SEMA5A: variants seen among roughly 807,000 people sequenced by gnomAD.
SEMA5A encodes the protein semaphorin-5A.
A neutral mutation model predicts 135.5 loss-of-function variants in SEMA5A; 55 were observed. That is an observed-to-expected ratio of 0.41 (90% confidence interval 0.33 to 0.51). The LOEUF is 0.51. Among genes scored for constraint, SEMA5A ranks in the 20% least tolerant of loss-of-function variants. The probability of loss-of-function intolerance (pLI) is 0.37; values close to 1 mark genes in which losing one functional copy is unlikely to be tolerated. For synonymous variants in SEMA5A, 580 were observed against 546.5 expected, an observed-to-expected ratio of 1.06 and a Z score of -0.85; for missense variants, 1,290 against 1,419.9, an observed-to-expected ratio of 0.91 and a Z score of 1.47.
rs200047045 is a variant in SEMA5A at position 9,182,734 on chromosome 5, T to C, written c.1273+7533A>G. ...CATCTAGAATGCCTGCTTATTTTTA[T>C]ACAATGGCGGATCCTGTAGCAATAC... On this transcript the variant is annotated intron_variant, in intron 11 of 22. Transcript: ENST00000382496. Among the ~76,000 whole-genome samples the C allele has an allele frequency of 1.7e-3, 260 of 151,428 alleles. 2 individuals carry two copies. Among genetic ancestry groups the C allele is most frequent in the African/African-American group, 5.1e-3 (211 of 41,202 alleles).
At position 9,245,329 on chromosome 5, in the gene SEMA5A, G is replaced by C. The variant is rs3777296; in HGVS notation, c.271-7439C>G. Among the ~76,000 whole-genome samples the C allele has an allele frequency of 1.5e-3, 223 of 151,980 alleles. 3 individuals are homozygous for C. Among genetic ancestry groups the C allele is most frequent in the African/African-American group, 4.9e-3 (204 of 41,450 alleles). Reference sequence around the variant, plus strand: ...ACACAGTGTTCAGTACTATCAGAAGGTTCAGGCATTCCCTGGGGGTCTTGG... The same window carrying C: ...ACACAGTGTTCAGTACTATCAGAAGCTTCAGGCATTCCCTGGGGGTCTTGG... On this transcript the variant is annotated intron_variant, in intron 5 of 22. Transcript: ENST00000382496.
intron 4 of SEMA5A, among the ~76,000 whole-genome samples, chr5:9,325,381 T>G (rs552648195): frequency 6.6e-6 from 1 of 152,162 alleles, no homozygotes; most frequent in Admixed American, 6.5e-5. Context: ...ACAAAGCTAT[T>G]AAGTTTGGCA....
chr5:9,147,465 T>G (rs905150829), intron 12 of SEMA5A, among the ~76,000 whole-genome samples: 2 of 151,778 alleles, frequency 1.3e-5, no homozygotes, highest in African/African-American at 4.8e-5. Flanking sequence ...AGAGACAGGG[T>G]TTCACCACGT....
intron 2 of SEMA5A, among the ~76,000 whole-genome samples, chr5:9,395,244 CA>C (rs1756337163): frequency 6.6e-6 from 1 of 152,062 alleles, no homozygotes; most frequent in South Asian, 2.1e-4. Context: ...ACCATTGCTG[CA>C]GTACGGAAAA....
intron 1 of SEMA5A, among the ~76,000 whole-genome samples, chr5:9,486,343 A>T (rs1408763368): frequency 6.6e-6 from 1 of 152,204 alleles, no homozygotes; most frequent in Admixed American, 6.6e-5. Flanking sequence ...TAAAACCTAG[A>T]TGATGGGTTG....
intron 2 of SEMA5A, 152 bp from the exon 3 acceptor site, chr5:9,380,175 T>A: frequency 1.9e-6 from 1 of 528,510 alleles, no homozygotes; most frequent in Non-Finnish European, 3.3e-6. Flanking sequence ...TTTCTAGTCA[T>A]ATCCCAGGTC....
chr5:9,520,429 C>G (rs768114357), intron 1 of SEMA5A, among the ~76,000 whole-genome samples: 10 of 152,078 alleles, frequency 6.6e-5, no homozygotes, highest in Non-Finnish European at 1.3e-4. Context: ...GAACGTGAGC[C>G]TCTTGAAGGA....
intron 16 of SEMA5A, among the ~76,000 whole-genome samples, chr5:9,087,500 T>A (rs1408864536): frequency 6.6e-6 from 1 of 151,868 alleles, no homozygotes; most frequent in Non-Finnish European, 1.5e-5. Context: ...CAAACTTCTT[T>A]TAAATTTGTA....
At chr5:9,521,914 G>T (rs147620700) in intron 1 of SEMA5A, among the ~76,000 whole-genome samples, 61 of 152,282 alleles carry the variant, frequency 4.0e-4, no homozygotes, top group African/African-American at 1.4e-3. Context: ...AGTTCAGGCT[G>T]CCTGTCACAC....
chr5:9,218,982 C>T (rs1430681448), intron 8 of SEMA5A, among the ~76,000 whole-genome samples: 1 of 152,224 alleles, frequency 6.6e-6, no homozygotes, highest in East Asian at 1.9e-4. Context: ...GTGCCAGACA[C>T]TAATACTTAT....
intron 7 of SEMA5A, among the ~76,000 whole-genome samples, chr5:9,225,521 A>G (rs1385457307): frequency 6.6e-6 from 1 of 150,554 alleles, no homozygotes; most frequent in Non-Finnish European, 1.5e-5. Flanking sequence ...GCGAGCCAAA[A>G]TCGTGCCGCT....
intron 16 of SEMA5A, among the ~76,000 whole-genome samples, chr5:9,083,372 A>G (rs1738495720): frequency 1.3e-5 from 2 of 152,208 alleles, no homozygotes; most frequent in African/African-American, 4.8e-5. Flanking sequence ...TCAGATTTTA[A>G]ATGACTTTAA....
intron 1 of SEMA5A, among the ~76,000 whole-genome samples, chr5:9,441,358 G>A (rs1288338459): frequency 3.3e-5 from 5 of 152,162 alleles, no homozygotes; most frequent in African/African-American, 1.2e-4. Flanking sequence ...GTATGTTTTA[G>A]TGGGTGCATT....
chr5:9,431,982 C>G (rs371936607), intron 2 of SEMA5A, among the ~76,000 whole-genome samples: 1 of 152,186 alleles, frequency 6.6e-6, no homozygotes, highest in Non-Finnish European at 1.5e-5. Context: ...ACTTGGCAGA[C>G]ATTCACCTAA....
At chr5:9,124,539 C>T (rs952993323) in intron 13 of SEMA5A, among the ~76,000 whole-genome samples, 6 of 152,264 alleles carry the variant, frequency 3.9e-5, no homozygotes, top group South Asian at 2.1e-4. Flanking sequence ...TCACTGCAAC[C>T]TCCACCTCCC....
chr5:9,544,956 G>T (rs1738300168), intron 1 of SEMA5A, among the ~76,000 whole-genome samples: 1 of 152,336 alleles, frequency 6.6e-6, no homozygotes, highest in African/African-American at 2.4e-5. Flanking sequence ...GTGGAGCAGC[G>T]GAGGGATGCC....
intron 5 of SEMA5A, among the ~76,000 whole-genome samples, chr5:9,312,498 C>T (rs1752187705): frequency 6.6e-6 from 1 of 152,096 alleles, no homozygotes; most frequent in East Asian, 1.9e-4. Flanking sequence ...TGTTAAGAGA[C>T]ATCTTCTCTT....
At chr5:9,512,155 G>C (rs985222087) in intron 1 of SEMA5A, 1 of 152,056 alleles carries the variant, frequency 6.6e-6, no homozygotes, top group African/African-American at 2.4e-5. Flanking sequence ...CATAGCCCCA[G>C]CTCCACCTCC....
rs535120004 is a variant in SEMA5A, at chr5:9,151,730, C to T, written c.1481+2758G>A. Reference sequence around the variant, plus strand: ...GAAATACTAAAGGACCAGGCAAAAACTAACCCCCTCTGAGGAAGGGCACAC... The same window carrying T: ...GAAATACTAAAGGACCAGGCAAAAATTAACCCCCTCTGAGGAAGGGCACAC... On this transcript the variant is annotated intron_variant, in intron 12 of 22. Transcript: ENST00000382496. 5.9e-5 allele frequency among the ~76,000 whole-genome samples: 9 copies of T among 152,284 alleles called. No homozygotes were observed. The South Asian group carries it at 1.9e-3, about 32-fold the overall frequency.
Sources: allele counts gnomAD v4.1 joint callset (sites outside exome capture counted in the v4.1 genomes callset), GRCh38; gene constraint gnomAD v4.1.1; transcripts MANE v1.5; gene names NCBI Gene and HGNC (gene_info 2026-07-23, HGNC 2026-07-21).